AGO2: variants seen among roughly 807,000 people sequenced by gnomAD.
AGO2 encodes the protein argonaute RISC catalytic component 2.
AGO2 carries 5 observed loss-of-function variants against 102.3 expected under a neutral mutation model. The observed-to-expected ratio is 0.05, with a 90% CI of 0.03 to 0.10. The LOEUF is 0.10. Ranked by LOEUF, AGO2 falls within the 10% of genes least tolerant of loss-of-function variation. The probability of loss-of-function intolerance (pLI) is 1.00; values close to 1 mark genes in which losing one functional copy is unlikely to be tolerated. For synonymous variants in AGO2, 449 were observed against 473.1 expected (o/e 0.95, Z 0.66); for missense variants, 541 against 1,183.7 (o/e 0.46, Z 7.97).
chr8:140,536,138 T>A (rs988755484), intron 16 of AGO2, among the ~76,000 whole-genome samples: 2 of 152,128 alleles, frequency 1.3e-5, no homozygotes, highest in African/African-American at 2.4e-5. Context: ...ATTCAATGGT[T>A]TAATTACAAG....
the AGO2 span, among the ~76,000 whole-genome samples, chr8:140,641,295 AAC>A: frequency 0.1 from 15,408 of 146,786 alleles, 887 homozygotes; most frequent in African/African-American, 0.17. Context: ...GCTGTCTCAA[AAC>A]ACACACACAC....
chr8:140,619,390 C>T (rs2074184979), intron 1 of AGO2, among the ~76,000 whole-genome samples: 2 of 152,214 alleles, frequency 1.3e-5, no homozygotes, highest in South Asian at 2.1e-4. Context: ...GACGCAACGA[C>T]ACAAGAGAAA....
chr8:140,565,438 CA>C (rs34129157), intron 3 of AGO2, among the ~76,000 whole-genome samples: 1,895 of 86,428 alleles, frequency 0.022, 35 homozygotes, highest in African/African-American at 0.07. Context: ...GACTCTGTCT[CA>C]AAAAAAAAAA....
rs76362550 is a variant in AGO2 at position 140,580,844 on chromosome 8, T to C, written c.215+4275A>G. 2.0e-3 allele frequency among the ~76,000 whole-genome samples: 310 copies of C among 152,390 alleles called. 2 individuals carry two copies. In the East Asian group the frequency reaches 0.028, roughly 14 times the overall value. On this transcript the variant is annotated intron_variant, in intron 2 of 18. Coordinates refer to ENST00000220592, the MANE Select transcript of AGO2 (RefSeq NM_012154.5). ...AGGCAGCCACTCTCAAGCTTGCTCA[T>C]AGCCTAGCAGGTTGGCCTTGGCCCT...
At chr8:140,634,408 CGGGGCCTGCGCCGCCTGCGGCCCGGCT>C (rs2074377102) in intron 1 of AGO2, among the ~76,000 whole-genome samples, 1 of 152,168 alleles carries the variant, frequency 6.6e-6, no homozygotes, top group African/African-American at 2.4e-5. Context: ...CAGAGCCCGG[CGGGGCCTGCGCCGCCTGCGGCCCGGCT>C]GGGGCCCAGC....
intron 1 of AGO2, 86 bp downstream of exon 1, chr8:140,635,399 C>G: frequency 2.1e-6 from 2 of 937,228 alleles, no homozygotes; most frequent in Non-Finnish European, 2.5e-6. Flanking sequence ...CCCCGATCCC[C>G]GGCCCCTGCC....
rs764629369 is a variant in AGO2, at chr8:140,585,292, C to T, written c.42G>A (p.Pro14=). 52 of 1,613,472 alleles carry T rather than the reference C, an allele frequency of 3.2e-5. No homozygotes were observed. The South Asian group carries it at 4.1e-4, about 13-fold the overall frequency. ...GAGPALAPPA[P]PPPIQGYAFK... ...AGGCATATCCTTGGATGGGGGGCGG[C>T]GGCGCAGGAGGTGCAAGTGCTGGAA... Residue 14 remains proline, a synonymous_variant, in exon 2 of 19, where the codon CCG becomes CCA. Transcript: ENST00000220592.
rs898762912 is a variant in AGO2 at position 140,523,638 on chromosome 8, A to G, written c.*8406T>C. 2 of 152,204 alleles carry G rather than the reference A, an allele frequency of 1.3e-5. No homozygotes were observed. The highest frequency in any genetic ancestry group is 4.8e-5 in the African/African-American group (2 of 41,462). 9.4% of individuals were successfully genotyped at this position (152,204 alleles called of 1,614,324 possible). A position where few individuals can be genotyped will look rare whatever the true frequency, so the allele number is the denominator to read the frequency against. On this transcript the variant is annotated 3_prime_UTR_variant, in exon 19 of 19. Transcript: ENST00000220592. ...CTCTACAGTTATAAAACATGAATTC[A>G]TACCTTTAACAACTACATTAAAATC...
Position 140,569,217 on chromosome 8 carries a change from G to C in AGO2, c.336+3595C>G, listed in dbSNP as rs117365052. Among the ~76,000 whole-genome samples, 64 of 152,370 alleles carry C rather than the reference G, an allele frequency of 4.2e-4. 1 individual carries two copies. The East Asian group carries it at 0.011, about 26-fold the overall frequency. The stretch of plus-strand genomic sequence containing the variant: ...TGCCGAACTACCATGTCCTTCAACA[G>C]TGAACTCTGTGCGTGGCTGTCTTCT... On this transcript the variant is annotated intron_variant, in intron 3 of 18. Transcript: ENST00000220592.
At chr8:140,555,774 G>T in intron 10 of AGO2, 122 bp downstream of exon 10, 1 of 1,362,560 alleles carries the variant, frequency 7.3e-7, no homozygotes. Flanking sequence ...TCAGCCGGGA[G>T]TAGAAAGGAT....
Position 140,541,352 on chromosome 8 carries a change from C to T in AGO2, c.1846G>A (p.Gly616Ser). Residue 616 changes from glycine (G) to serine (S), a missense_variant, in exon 15 of 19, where the codon GGC becomes AGC. Coordinates refer to ENST00000220592, the MANE Select transcript of AGO2 (RefSeq NM_012154.5). ...CGATTGGGGTGGGCGTCCATGCTGC[C>T]CACCACCTGCAGGAACAGGCAGTGA... Reference protein sequence around the residue: ...GKKPSIAAVVGSMDAHPNRYC... With the variant: ...GKKPSIAAVVSSMDAHPNRYC... 6.2e-7 allele frequency: 1 copy of T among 1,602,312 alleles called. No homozygotes were observed. Among genetic ancestry groups the T allele is most frequent in the Non-Finnish European group, 8.5e-7 (1 of 1,175,340 alleles).
intron 1 of AGO2, among the ~76,000 whole-genome samples, chr8:140,610,971 G>A (rs896721270): frequency 1.3e-5 from 2 of 152,180 alleles, no homozygotes; most frequent in Non-Finnish European, 2.9e-5. Context: ...ACATCTCTCC[G>A]AAACACTCTG....
At chr8:140,563,535 C>T (rs998315124) in intron 3 of AGO2, among the ~76,000 whole-genome samples, 2 of 152,108 alleles carry the variant, frequency 1.3e-5, no homozygotes, top group African/African-American at 2.4e-5. Flanking sequence ...TGTGCCTGGC[C>T]GACTCACCAC....
intron 11 of AGO2, among the ~76,000 whole-genome samples, chr8:140,551,007 C>T (rs1374963524): frequency 5.9e-5 from 9 of 152,144 alleles, no homozygotes; most frequent in Admixed American, 6.5e-5. Flanking sequence ...CTCTCTTTTG[C>T]CCCTACTTAT....
chr8:140,637,417 C>A (rs1294188848), upstream of AGO2: 2 of 152,246 alleles, frequency 1.3e-5, no homozygotes, highest in Non-Finnish European at 2.9e-5. Context: ...CACTGGCTGC[C>A]CTCAGCCCGC....
intron 3 of AGO2, among the ~76,000 whole-genome samples, chr8:140,564,520 T>G (rs1379663543): frequency 1.3e-5 from 2 of 152,242 alleles, no homozygotes; most frequent in African/African-American, 4.8e-5. Context: ...AAGCTCCTCC[T>G]TTCTCTCCTC....
chr8:140,552,933 G>A (rs369824270), intron 10 of AGO2, among the ~76,000 whole-genome samples: 8 of 152,338 alleles, frequency 5.3e-5, no homozygotes, highest in East Asian at 3.9e-4. Context: ...CCCCTGGGGG[G>A]CAAAATCATC....
At chr8:140,558,447 G>A (rs745700479) in intron 7 of AGO2, 38 bp downstream of exon 7, 6 of 1,609,846 alleles carry the variant, frequency 3.7e-6, no homozygotes, top group Non-Finnish European at 4.3e-6. Flanking sequence ...GACAGTGGGG[G>A]CCCCAGCCAA....
In AGO2 at chr8:140,529,989, T is replaced by C. The variant is rs1054683746; in HGVS notation, c.*2055A>G. ...CATCCATTAATTTAAGCTACGAGCA[T>C]GTCTGTATCCTTCTGAAAACAGGAG... is the stretch of plus-strand genomic sequence containing the variant. On this transcript the variant is annotated 3_prime_UTR_variant, in exon 19 of 19. Coordinates refer to ENST00000220592, the MANE Select transcript of AGO2 (RefSeq NM_012154.5). 2.0e-5 allele frequency: 3 copies of C among 152,166 alleles called. No homozygotes were observed. Among genetic ancestry groups the C allele is most frequent in the African/African-American group, 7.2e-5 (3 of 41,432 alleles). 9.4% of individuals were successfully genotyped at this position (152,166 alleles called of 1,614,324 possible).
Sources: gnomAD v4.1 joint callset for allele counts (sites outside exome capture counted in the v4.1 genomes callset) on GRCh38, gnomAD v4.1.1 for gene constraint, MANE v1.5 for transcripts, NCBI Gene and HGNC (gene_info 2026-07-23, HGNC 2026-07-21) for gene names.